CALCRL: variants seen among roughly 807,000 people sequenced by gnomAD.
CALCRL encodes calcitonin receptor like receptor.
CALCRL carries 27 observed loss-of-function variants against 60.4 expected under a neutral mutation model. That is an observed-to-expected ratio of 0.45 (90% confidence interval 0.33 to 0.62). The LOEUF (loss-of-function observed/expected upper bound fraction) is 0.62. CALCRL is among the 20% of genes least tolerant of loss of function. The pLI, the probability that CALCRL is intolerant of heterozygous loss-of-function variation, is 0.03. For missense variants in CALCRL, 424 were observed against 540.7 expected (o/e 0.78, Z 2.14); for synonymous variants, 190 against 182.6 (o/e 1.04, Z -0.33).
intron 1 of CALCRL, among the ~76,000 whole-genome samples, chr2:187,403,682 G>T (rs754396308): frequency 6.6e-6 from 1 of 151,832 alleles, no homozygotes; most frequent in African/African-American, 2.4e-5. Flanking sequence ...TGTGTAACTA[G>T]AGGTAAAAGG....
chr2:187,421,645 A>G (rs1457744844), intron 1 of CALCRL, among the ~76,000 whole-genome samples: 1 of 152,234 alleles, frequency 6.6e-6, no homozygotes, highest in East Asian at 1.9e-4. Context: ...TTCTGTGCAC[A>G]ACTGGTGAAA....
Position 187,380,774 on chromosome 2 carries a change from G to C in CALCRL, c.198C>G (p.Asn66Lys). The C allele has an allele frequency of 6.2e-7, 1 of 1,613,714 alleles. No individual in the cohort carries two copies. The highest frequency in any genetic ancestry group is 2.2e-5 in the East Asian group (1 of 44,852). ...AGCAGAGCCATCCATCCCAGGTTCTGTTGCAGTAAACGCCTTAGTGGGGAA... is the reference window on the plus strand; with the variant it reads ...AGCAGAGCCATCCATCCCAGGTTCTCTTGCAGTAAACGCCTTAGTGGGGAA... ...PIQQAEGVYC[N>K]RTWDGWLCWN... is the part of the protein sequence containing the mutation. Residue 66 changes from asparagine to lysine, a missense_variant, in exon 6 of 15, where the codon AAC (asparagine) becomes AAG (lysine). Asn to Lys is a moderately conservative substitution (Grantham distance 94). Transcript: ENST00000392370.
chr2:187,374,136 C>T (rs1687646321), intron 8 of CALCRL, among the ~76,000 whole-genome samples: 1 of 152,050 alleles, frequency 6.6e-6, no homozygotes, highest in Non-Finnish European at 1.5e-5. Flanking sequence ...CCACTGCACT[C>T]CAGCCTGGGT....
rs954033193 is a variant in CALCRL, at chr2:187,423,261, A to G, written c.-293+24778T>C. ...ATATTGTTTTTAATTTAATATATCT[A>G]TGTGAACAAGCATACTTCTTCCTCA... On this transcript the variant is annotated intron_variant, in intron 1 of 14. Transcript: ENST00000392370. Among the ~76,000 whole-genome samples the G allele has an allele frequency of 2.0e-5, 3 of 152,010 alleles. No individual in the cohort carries two copies. The East Asian group carries it at 5.8e-4, about 29-fold the overall frequency.
chr2:187,383,393 C>G (rs1688062930), intron 4 of CALCRL, 88 bp from the exon 5 acceptor site: 9 of 1,129,338 alleles, frequency 8.0e-6, no homozygotes, highest in Non-Finnish European at 1.1e-5. Flanking sequence ...CAGTAGAAAA[C>G]AGCAAGTGCG....
At chr2:187,390,928 G>C (rs566528857) in intron 1 of CALCRL, among the ~76,000 whole-genome samples, 5 of 152,262 alleles carry the variant, frequency 3.3e-5, no homozygotes, top group Admixed American at 1.3e-4. Flanking sequence ...ATTCACTTGA[G>C]TCATCTACTT....
intron 1 of CALCRL, among the ~76,000 whole-genome samples, chr2:187,395,476 G>C (rs1431733061): frequency 6.6e-6 from 1 of 151,970 alleles, no homozygotes; most frequent in Non-Finnish European, 1.5e-5. Flanking sequence ...ATTCTGGCAA[G>C]GTCCCAAAAT....
chr2:187,372,583 C>G (rs1433000864), intron 8 of CALCRL, among the ~76,000 whole-genome samples: 1 of 152,040 alleles, frequency 6.6e-6, no homozygotes, highest in East Asian at 1.9e-4. Context: ...TTTTCTCTCT[C>G]TAAATAAAAA....
chr2:187,436,298 A>G (rs1690641761), intron 1 of CALCRL, among the ~76,000 whole-genome samples: 1 of 152,166 alleles, frequency 6.6e-6, no homozygotes, highest in Admixed American at 6.5e-5. Flanking sequence ...CCATTGAGCC[A>G]TCCCAGACTC....
intron 12 of CALCRL, among the ~76,000 whole-genome samples, chr2:187,353,354 C>A (rs1686619044): frequency 6.6e-6 from 1 of 151,814 alleles, no homozygotes; most frequent in Non-Finnish European, 1.5e-5. Flanking sequence ...GTTTAATAAT[C>A]TTAAATTTTC....
chr2:187,419,377 A>G (rs1689770267), intron 1 of CALCRL, among the ~76,000 whole-genome samples: 1 of 152,148 alleles, frequency 6.6e-6, no homozygotes, highest in Non-Finnish European at 1.5e-5. Context: ...TGAGGATGCA[A>G]TAAGAAGGTG....
At chr2:187,349,216 T>G (rs1250054517) in intron 14 of CALCRL, among the ~76,000 whole-genome samples, 1 of 151,638 alleles carries the variant, frequency 6.6e-6, no homozygotes, top group Non-Finnish European at 1.5e-5. Flanking sequence ...ATGATCACAG[T>G]GCACATTTTT....
rs575375497 is a variant in CALCRL at position 187,379,232 on chromosome 2, T to A, written c.409-201A>T. Among the ~76,000 whole-genome samples, 75 of 152,232 alleles carry A rather than the reference T, an allele frequency of 4.9e-4. 1 individual carries two copies. Among genetic ancestry groups the A allele is most frequent in the Admixed American group, 1.7e-3 (26 of 15,292 alleles). On this transcript the variant is annotated intron_variant, in intron 7 of 14. Transcript: ENST00000392370. The stretch of plus-strand genomic sequence containing the variant: ...GAAAAATATCTATCCAGTGAAATTA[T>A]CAAAATTTATAAGTTGTATGCCTTT...
intron 1 of CALCRL, among the ~76,000 whole-genome samples, chr2:187,404,752 G>A (rs1689042302): frequency 6.6e-6 from 1 of 151,862 alleles, no homozygotes; most frequent in East Asian, 1.9e-4. Flanking sequence ...GCATCTGATG[G>A]ACACTGGTGG....
intron 8 of CALCRL, among the ~76,000 whole-genome samples, chr2:187,364,560 A>G (rs184975006): frequency 7.6e-4 from 116 of 152,260 alleles, no homozygotes; most frequent in Non-Finnish European, 1.4e-3. Context: ...GGAAACTTTA[A>G]GGAGATCTTT....
In CALCRL at chr2:187,352,174, A is replaced by G. The variant is rs1389307354; in HGVS notation, c.1068T>C (p.Pro356=). Residue 356 remains proline, a synonymous_variant, in exon 13 of 15, where the codon CCT becomes CCC. Transcript: ENST00000392370. ...GIEFVLIPWR[P]EGKIAEEVYD... is the part of the protein sequence containing the mutation. ...ATACCTCCTCTGCAATCTTTCCTTCAGGTCGCCATGGAATCAGCACAAATT... is the reference window on the plus strand; with the variant it reads ...ATACCTCCTCTGCAATCTTTCCTTCGGGTCGCCATGGAATCAGCACAAATT... 1 of 1,612,522 alleles carries G rather than the reference A, an allele frequency of 6.2e-7. No homozygotes were observed. The highest frequency in any genetic ancestry group is 2.2e-5 in the East Asian group (1 of 44,816).
intron 1 of CALCRL, chr2:187,415,689 C>A: frequency 1.7e-6 from 1 of 595,818 alleles, no homozygotes; most frequent in Non-Finnish European, 3.1e-6. Flanking sequence ...AGGTTGTCTC[C>A]TCCGACTTCA....
At chr2:187,389,595 CT>C (rs950243461) in intron 1 of CALCRL, among the ~76,000 whole-genome samples, 4 of 151,928 alleles carry the variant, frequency 2.6e-5, no homozygotes, top group Admixed American at 1.3e-4. Flanking sequence ...AGCATAGCAA[CT>C]TTTTTTTCAG....
chr2:187,346,283 A>C lies in CALCRL; in HGVS notation c.1287T>G (p.Gly429=). The change falls in exon 15 of 15, where the codon GGT becomes GGG. Residue 429 remains glycine, a synonymous_variant. Transcript: ENST00000392370. ...ASYTVSTISD[G]PGYSHDCPSE... is the part of the protein sequence containing the mutation. Reference sequence around the variant, plus strand: ...TAGGACAGTCATGACTATAACCTGGACCATCACTGATTGTTGACACTGTGT... The same window carrying C: ...TAGGACAGTCATGACTATAACCTGGCCCATCACTGATTGTTGACACTGTGT... The C allele has an allele frequency of 6.2e-7, 1 of 1,612,252 alleles. No individual in the cohort carries two copies. Among genetic ancestry groups the C allele is most frequent in the Non-Finnish European group, 8.5e-7 (1 of 1,178,782 alleles).
Sources: gnomAD v4.1 joint callset for allele counts (sites outside exome capture counted in the v4.1 genomes callset) on GRCh38, gnomAD v4.1.1 for gene constraint, MANE v1.5 for transcripts, NCBI Gene and HGNC (gene_info 2026-07-23, HGNC 2026-07-21) for gene names.